Variants in STAU2 observed in about 807,000 individuals in gnomAD.
STAU2 encodes the protein double-stranded RNA-binding protein Staufen homolog 2.
Under a neutral mutation model 65.9 loss-of-function variants are expected in STAU2, and 20 were observed. The ratio of observed to expected loss-of-function variants is 0.30; its 90% confidence interval spans 0.21 to 0.44. The LOEUF is 0.44. Among genes scored for constraint, STAU2 ranks in the 20% least tolerant of loss-of-function variants. The pLI, the probability that STAU2 is intolerant of heterozygous loss-of-function variation, is 1.00. For missense variants in STAU2, 558 were observed against 683.9 expected (o/e 0.82, Z 2.05); for synonymous variants, 232 against 233.9 (o/e 0.99, Z 0.07).
Position 73,659,756 on chromosome 8 carries a change from C to T in STAU2, c.410+13351G>A, listed in dbSNP as rs537026154. 8.4e-4 allele frequency among the ~76,000 whole-genome samples: 128 copies of T among 152,158 alleles called. 1 individual carries two copies. The highest frequency in any genetic ancestry group is 2.9e-3 in the African/African-American group (122 of 41,514). On this transcript the variant is annotated intron_variant, in intron 6 of 14. Coordinates refer to ENST00000524300, the MANE Select transcript of STAU2 (RefSeq NM_001164380.2). ...GCCTCAAATAAAAGAATAGAGAATG[C>T]TATTTATTTCTCCCTTTCTAGACAA... is the stretch of plus-strand genomic sequence containing the variant.
chr8:73,580,084 C>T (rs1037569731), intron 12 of STAU2, among the ~76,000 whole-genome samples: 1 of 152,026 alleles, frequency 6.6e-6, no homozygotes, highest in Non-Finnish European at 1.5e-5. Flanking sequence ...CATTTTTGTA[C>T]ATTATGGTTC....
At position 73,576,858 on chromosome 8, in the gene STAU2, A is replaced by G. The variant is rs1445464178; in HGVS notation, c.1222+5912T>C. On this transcript the variant is annotated intron_variant, in intron 12 of 14. Transcript: ENST00000524300. ...GTTTCTTTGCTAACAGAGAAAAGCA[A>G]TTAAGTAGTTCTTAATACTTCAACT... is the stretch of plus-strand genomic sequence containing the variant. 9.9e-5 allele frequency among the ~76,000 whole-genome samples: 15 copies of G among 152,194 alleles called. 1 individual carries two copies. The highest frequency in any genetic ancestry group is 7.2e-4 in the Admixed American group (11 of 15,286).
At chr8:73,667,675 C>T (rs1817338193) in intron 6 of STAU2, among the ~76,000 whole-genome samples, 1 of 152,188 alleles carries the variant, frequency 6.6e-6, no homozygotes, top group Non-Finnish European at 1.5e-5. Flanking sequence ...TCCTCTTCTA[C>T]TAAACTTAAG....
At chr8:73,674,264 G>C (rs1027805453) in intron 5 of STAU2, among the ~76,000 whole-genome samples, 5 of 151,654 alleles carry the variant, frequency 3.3e-5, no homozygotes, top group African/African-American at 9.7e-5. Flanking sequence ...AGGGGTGGGG[G>C]AGCAATCTCT....
chr8:73,595,560 A>AT (rs1024541317), intron 10 of STAU2, among the ~76,000 whole-genome samples: 1 of 152,060 alleles, frequency 6.6e-6, no homozygotes, highest in African/African-American at 2.4e-5. Context: ...ATGCTATTTG[A>AT]TTTTTTAAAC....
At chr8:73,626,503 G>A (rs1813651175) in intron 6 of STAU2, among the ~76,000 whole-genome samples, 1 of 152,164 alleles carries the variant, frequency 6.6e-6, no homozygotes, top group South Asian at 2.1e-4. Context: ...GGATCTTGTT[G>A]CTATTTACCC....
chr8:73,487,560 T>C (rs756547592), intron 13 of STAU2, among the ~76,000 whole-genome samples: 2 of 152,138 alleles, frequency 1.3e-5, no homozygotes, highest in Non-Finnish European at 2.9e-5. Flanking sequence ...TCTGGTTTGT[T>C]TGTTTAATGT....
chr8:73,535,336 AT>A (rs1481416139), intron 13 of STAU2, among the ~76,000 whole-genome samples: 1 of 151,904 alleles, frequency 6.6e-6, no homozygotes, highest in African/African-American at 2.4e-5. Context: ...CGCCTGGCTA[AT>A]TTTTTGTATT....
chr8:73,708,491 AT>A (rs1198040720), intron 4 of STAU2, among the ~76,000 whole-genome samples: 1 of 152,156 alleles, frequency 6.6e-6, no homozygotes, highest in Non-Finnish European at 1.5e-5. Flanking sequence ...ATTGCTTTCC[AT>A]TTAAAAAAAC....
chr8:73,445,860 C>T (rs958972997), intron 13 of STAU2, among the ~76,000 whole-genome samples: 8 of 152,232 alleles, frequency 5.3e-5, no homozygotes, highest in Non-Finnish European at 1.0e-4. Flanking sequence ...GAACTAGATC[C>T]TCAGCCACTT....
chr8:73,625,676 A>G (rs1813585229), intron 6 of STAU2, among the ~76,000 whole-genome samples: 1 of 152,234 alleles, frequency 6.6e-6, no homozygotes, highest in Non-Finnish European at 1.5e-5. Flanking sequence ...AATGAATTGT[A>G]TACTTTAAAA....
rs751125644 is a variant in STAU2, at chr8:73,595,276, C to A, written c.1051G>T (p.Ala351Ser). Residue 351 changes from alanine to serine, a missense_variant, in exon 11 of 15, where the codon GCT becomes TCT. Transcript: ENST00000524300. ...TTTTTATTAGGTCCTGTTCCTGTAG[C>A]AACTTCATTGCCTACCTTCACCTGA... is the stretch of plus-strand genomic sequence containing the variant. Reference protein sequence around the residue: ...VMQVKVGNEVATGTGPNKKIA... With the variant: ...VMQVKVGNEVSTGTGPNKKIA... 1 of 1,606,616 alleles carries A rather than the reference C, an allele frequency of 6.2e-7. No individual in the cohort carries two copies. Among genetic ancestry groups the A allele is most frequent in the South Asian group, 1.1e-5 (1 of 89,228 alleles).
intron 13 of STAU2, among the ~76,000 whole-genome samples, chr8:73,453,557 G>A (rs1818910521): frequency 6.6e-6 from 1 of 152,194 alleles, no homozygotes; most frequent in South Asian, 2.1e-4. Flanking sequence ...AAATCAAGGG[G>A]CACCTTGTTA....
At chr8:73,485,353 C>T (rs1820861089) in intron 13 of STAU2, among the ~76,000 whole-genome samples, 1 of 151,780 alleles carries the variant, frequency 6.6e-6, no homozygotes, top group Admixed American at 6.6e-5. Flanking sequence ...AACACATGAG[C>T]ATTGATTCTT....
In STAU2 at chr8:73,461,825, A is replaced by C. The variant is rs1471756529; in HGVS notation, c.1531-39123T>G. On this transcript the variant is annotated intron_variant, in intron 13 of 14. Coordinates refer to ENST00000524300, the MANE Select transcript of STAU2 (RefSeq NM_001164380.2). ...GGGATGGAACTGGACAGTCCCCAAG[A>C]ACTCTGCACTTGGGACTCTGCCCAG... Among the ~76,000 whole-genome samples the C allele has an allele frequency of 3.3e-5, 5 of 152,220 alleles. No homozygotes were observed. In the South Asian group the frequency reaches 1.0e-3, roughly 32 times the overall value.
intron 13 of STAU2, among the ~76,000 whole-genome samples, chr8:73,431,754 CTG>C (rs745634012): frequency 9.2e-5 from 14 of 151,390 alleles, no homozygotes; most frequent in African/African-American, 2.4e-4. Flanking sequence ...GCACGCACGC[CTG>C]TGTGTGTGTG....
In STAU2 at chr8:73,662,907, C is replaced by T. The variant is rs549898275; in HGVS notation, c.410+10200G>A. On this transcript the variant is annotated intron_variant, in intron 6 of 14. Transcript: ENST00000524300. ...CTGGGATTACAGGCATGAGCCACCGCGCCCAGCCCAGGTTCTTTTTTTTTT... is the reference window on the plus strand; with the variant it reads ...CTGGGATTACAGGCATGAGCCACCGTGCCCAGCCCAGGTTCTTTTTTTTTT... Among the ~76,000 whole-genome samples the T allele has an allele frequency of 1.1e-4, 16 of 152,060 alleles. No individual in the cohort carries two copies. The South Asian group carries it at 1.2e-3, about 12-fold the overall frequency.
chr8:73,448,689 G>A (rs1025786175), intron 13 of STAU2, among the ~76,000 whole-genome samples: 3 of 152,342 alleles, frequency 2.0e-5, no homozygotes, highest in Middle Eastern at 3.4e-3. Flanking sequence ...TCCACGTCAC[G>A]GGGCTGGAAG....
At chr8:73,450,507 G>T (rs868746587) in intron 13 of STAU2, among the ~76,000 whole-genome samples, 1 of 152,186 alleles carries the variant, frequency 6.6e-6, no homozygotes, top group Admixed American at 6.5e-5. Context: ...GTAATAAGAC[G>T]TTTGGGGGCT....
Sources: allele counts gnomAD v4.1 joint callset (sites outside exome capture counted in the v4.1 genomes callset), GRCh38; gene constraint gnomAD v4.1.1; transcripts MANE v1.5; gene names NCBI Gene and HGNC (gene_info 2026-07-23, HGNC 2026-07-21).